DYNC1I1: variants seen among roughly 807,000 people sequenced by gnomAD.
DYNC1I1 encodes cytoplasmic dynein 1 intermediate chain 1.
DYNC1I1 carries 43 observed loss-of-function variants against 86.6 expected under a neutral mutation model. The ratio of observed to expected loss-of-function variants is 0.50; its 90% CI spans 0.39 to 0.64. DYNC1I1 has a LOEUF of 0.64. DYNC1I1 is among the 30% of genes least tolerant of loss of function. The probability of loss-of-function intolerance (pLI) is 0.00; values close to 1 mark genes in which losing one functional copy is unlikely to be tolerated. For missense variants in DYNC1I1, 604 were observed against 788.8 expected (o/e 0.77, Z 2.81); for synonymous variants, 262 against 283.7 (o/e 0.92, Z 0.77).
At chr7:95,940,931 A>G (rs1426093953) in intron 6 of DYNC1I1, among the ~76,000 whole-genome samples, 1 of 151,988 alleles carries the variant, frequency 6.6e-6, no homozygotes, top group African/African-American at 2.4e-5. Flanking sequence ...TCATGGTTTT[A>G]TCTACTTTTG....
intron 6 of DYNC1I1, among the ~76,000 whole-genome samples, chr7:95,912,907 G>A (rs573650729): frequency 1.1e-4 from 16 of 152,188 alleles, no homozygotes; most frequent in East Asian, 1.9e-4. Context: ...GCAGTGGATT[G>A]GTTTCATGCA....
At chr7:95,890,204 G>A (rs1201604441) in intron 6 of DYNC1I1, among the ~76,000 whole-genome samples, 1 of 152,128 alleles carries the variant, frequency 6.6e-6, no homozygotes, top group African/African-American at 2.4e-5. Context: ...GTGGCAAAGT[G>A]AATAAAGAAA....
chr7:95,956,601 C>T (rs1427301488), intron 6 of DYNC1I1, among the ~76,000 whole-genome samples: 1 of 151,588 alleles, frequency 6.6e-6, no homozygotes, highest in African/African-American at 2.4e-5. Flanking sequence ...TCTCATTGTT[C>T]AGCTCCCACT....
chr7:96,078,603 G>T (rs1234182634), intron 15 of DYNC1I1, among the ~76,000 whole-genome samples: 1 of 151,828 alleles, frequency 6.6e-6, no homozygotes, highest in Admixed American at 6.6e-5. Context: ...AATGTATTAG[G>T]TATTATTTTA....
chr7:95,840,947 T>G (rs1789263537), intron 5 of DYNC1I1, among the ~76,000 whole-genome samples: 1 of 152,222 alleles, frequency 6.6e-6, no homozygotes, highest in African/African-American at 2.4e-5. Context: ...TAATGCATAT[T>G]AATGTCCTTA....
At chr7:96,077,736 A>C (rs185881535) in intron 15 of DYNC1I1, among the ~76,000 whole-genome samples, 1 of 152,310 alleles carries the variant, frequency 6.6e-6, no homozygotes, top group Non-Finnish European at 1.5e-5. Flanking sequence ...ACCCAACTAC[A>C]ATGCATATGA....
chr7:95,915,248 G>A (rs1034784243), intron 6 of DYNC1I1, among the ~76,000 whole-genome samples: 11 of 152,146 alleles, frequency 7.2e-5, no homozygotes, highest in Admixed American at 7.2e-4. Flanking sequence ...TGTTCCAGAA[G>A]CTTTGTGCAT....
chr7:95,813,071 T>C (rs1345561439), intron 3 of DYNC1I1, 176 bp from the exon 4 acceptor site: 6 of 1,360,322 alleles, frequency 4.4e-6, no homozygotes, highest in Non-Finnish European at 6.0e-6. Flanking sequence ...AAAAATTCAC[T>C]GGACTTTTTT....
chr7:95,789,675 A>G (rs761449231), intron 1 of DYNC1I1, among the ~76,000 whole-genome samples: 1 of 152,106 alleles, frequency 6.6e-6, no homozygotes, highest in Non-Finnish European at 1.5e-5. Flanking sequence ...GTGGTAGTGA[A>G]CACCTTTCTC....
intron 1 of DYNC1I1, among the ~76,000 whole-genome samples, chr7:95,802,469 C>T (rs778895833): frequency 1.2e-4 from 19 of 152,146 alleles, no homozygotes; most frequent in Non-Finnish European, 2.4e-4. Flanking sequence ...AGTTTTTGCT[C>T]CAGTCTGTTA....
chr7:95,824,901 CA>C (rs1795170792), intron 4 of DYNC1I1, among the ~76,000 whole-genome samples: 1 of 152,186 alleles, frequency 6.6e-6, no homozygotes, highest in African/African-American at 2.4e-5. Flanking sequence ...GAAACACAAA[CA>C]ACTTTTGCCC....
intron 6 of DYNC1I1, among the ~76,000 whole-genome samples, chr7:95,939,270 T>G (rs1345996995): frequency 6.6e-6 from 1 of 152,176 alleles, no homozygotes; most frequent in Non-Finnish European, 1.5e-5. Context: ...AAATGTATAT[T>G]CTGTTGATTT....
At chr7:95,841,901 G>T (rs1467660560) in intron 5 of DYNC1I1, among the ~76,000 whole-genome samples, 2 of 152,208 alleles carry the variant, frequency 1.3e-5, no homozygotes, top group Non-Finnish European at 1.5e-5. Context: ...AGAAGCATGG[G>T]AAATGCTTGA....
At chr7:95,850,582 G>A (rs1000224312) in intron 5 of DYNC1I1, among the ~76,000 whole-genome samples, 1 of 152,184 alleles carries the variant, frequency 6.6e-6, no homozygotes, top group Non-Finnish European at 1.5e-5. Context: ...GTCAGACCAT[G>A]TTTCTGTTCA....
At chr7:95,774,934 C>A (rs868849220) in intron 1 of DYNC1I1, among the ~76,000 whole-genome samples, 2 of 152,192 alleles carry the variant, frequency 1.3e-5, no homozygotes, top group African/African-American at 4.8e-5. Context: ...TCACATGCAT[C>A]TGTTTCAAAA....
intron 1 of DYNC1I1, among the ~76,000 whole-genome samples, chr7:95,785,777 A>ATGTATG (rs1222420425): frequency 2.6e-4 from 4 of 15,486 alleles, no homozygotes; most frequent in Admixed American, 9.0e-4. Context: ...GTGTATGTGT[A>ATGTATG]TATATATATA....
intron 6 of DYNC1I1, among the ~76,000 whole-genome samples, chr7:95,956,396 T>TA (rs397957523): frequency 2.1e-5 from 3 of 146,156 alleles, no homozygotes; most frequent in South Asian, 2.2e-4. Flanking sequence ...TTTTTTTTTT[T>TA]ATTATACTTT....
intron 6 of DYNC1I1, among the ~76,000 whole-genome samples, chr7:95,886,262 C>T (rs1790589661): frequency 6.6e-6 from 1 of 152,110 alleles, no homozygotes; most frequent in East Asian, 1.9e-4. Flanking sequence ...ATGGTGAAAC[C>T]CCGTCTCTAT....
chr7:95,836,383 C>T (rs1405421382), intron 5 of DYNC1I1, among the ~76,000 whole-genome samples: 1 of 151,802 alleles, frequency 6.6e-6, no homozygotes, highest in African/African-American at 2.4e-5. Flanking sequence ...CGACCTTTCT[C>T]TCTGGCTGCC....
Sources: allele counts gnomAD v4.1 joint callset (sites outside exome capture counted in the v4.1 genomes callset), GRCh38; gene constraint gnomAD v4.1.1; transcripts MANE v1.5; gene names NCBI Gene and HGNC (gene_info 2026-07-23, HGNC 2026-07-21).